Variants in CCDC60 observed in about 807,000 individuals in gnomAD.
CCDC60 encodes coiled-coil domain containing 60.
CCDC60 carries 54 observed loss-of-function variants against 63.5 expected under a neutral mutation model. That is an observed-to-expected ratio of 0.85 (90% CI 0.68 to 1.07). CCDC60 has a LOEUF of 1.07. Among genes scored for constraint, CCDC60 ranks in the 50% least tolerant of loss-of-function variants. The pLI is 0.00. For synonymous variants in CCDC60, 206 were observed against 238.8 expected (o/e 0.86, Z 1.27); for missense variants, 651 against 684.3 (o/e 0.95, Z 0.54).
At chr12:119,511,791 T>C (rs779777350) in intron 7 of CCDC60, among the ~76,000 whole-genome samples, 17 of 152,148 alleles carry the variant, frequency 1.1e-4, no homozygotes, top group Non-Finnish European at 2.1e-4. Context: ...CTTGTTTGCT[T>C]ATGAGTTGGG....
At chr12:119,423,544 T>C (rs976492485) in intron 1 of CCDC60, among the ~76,000 whole-genome samples, 3 of 152,132 alleles carry the variant, frequency 2.0e-5, no homozygotes, top group African/African-American at 7.2e-5. Context: ...AGCCAGGGCA[T>C]TTCATCCCTT....
chr12:119,380,929 G>A (rs1956002013), intron 1 of CCDC60, among the ~76,000 whole-genome samples: 5 of 152,190 alleles, frequency 3.3e-5, no homozygotes, highest in South Asian at 2.1e-4. Context: ...TTTTTATCAC[G>A]TTTCTAAAAT....
At chr12:119,537,805 G>A (rs576014927) in intron 13 of CCDC60, among the ~76,000 whole-genome samples, 5 of 152,194 alleles carry the variant, frequency 3.3e-5, no homozygotes, top group South Asian at 2.1e-4. Context: ...CCAAAGGGGC[G>A]CCCGCCTGTA....
chr12:119,463,640 G>A (rs916216488), intron 2 of CCDC60, among the ~76,000 whole-genome samples: 1 of 152,236 alleles, frequency 6.6e-6, no homozygotes, highest in Non-Finnish European at 1.5e-5. Context: ...CCGCAGACGC[G>A]AAATCCCAAC....
At chr12:119,356,415 A>G (rs1419555482) in intron 1 of CCDC60, among the ~76,000 whole-genome samples, 1 of 152,074 alleles carries the variant, frequency 6.6e-6, no homozygotes. Flanking sequence ...ACTCATATTT[A>G]TTTCATTTTC....
chr12:119,531,033 G>A lies in CCDC60; in HGVS notation c.1521G>A (p.Leu507=). ...TGCAGGATCTGAGGATTTGGGAACTGTGCTCCCCTGACATCGCTGTGGCTA... is the reference window on the plus strand; with the variant it reads ...TGCAGGATCTGAGGATTTGGGAACTATGCTCCCCTGACATCGCTGTGGCTA... ...KVLQDLRIWE[L]CSPDIAVAIE... The change falls in exon 13 of 14, where the codon CTG becomes CTA. Residue 507 remains leucine (L), a synonymous_variant. Transcript: ENST00000327554. 1 of 1,614,108 alleles carries A rather than the reference G, an allele frequency of 6.2e-7. No homozygotes were observed. The highest frequency in any genetic ancestry group is 8.5e-7 in the Non-Finnish European group (1 of 1,179,986).
At chr12:119,534,491 G>A (rs559477329) in intron 13 of CCDC60, among the ~76,000 whole-genome samples, 1 of 152,244 alleles carries the variant, frequency 6.6e-6, no homozygotes, top group South Asian at 2.1e-4. Context: ...CCTGTCTTGT[G>A]CCAGTTTTCA....
At chr12:119,412,878 T>C (rs1013582977) in intron 1 of CCDC60, among the ~76,000 whole-genome samples, 3 of 150,238 alleles carry the variant, frequency 2.0e-5, no homozygotes, top group African/African-American at 7.4e-5. Flanking sequence ...CTGATAAGAC[T>C]GGACTGGAGG....
intron 1 of CCDC60, among the ~76,000 whole-genome samples, chr12:119,408,633 C>A (rs922262441): frequency 3.9e-5 from 6 of 152,096 alleles, no homozygotes; most frequent in Non-Finnish European, 8.8e-5. Flanking sequence ...ACCATCCTGG[C>A]TAACACGGTG....
chr12:119,523,596 G>C, intron 10 of CCDC60, 97 bp from the exon 11 acceptor site: 1 of 1,553,070 alleles, frequency 6.4e-7, no homozygotes, highest in Non-Finnish European at 8.7e-7. Context: ...CCCCCATGCA[G>C]AGCACCTTGG....
intron 13 of CCDC60, among the ~76,000 whole-genome samples, chr12:119,539,496 C>A (rs1422416817): frequency 6.6e-6 from 1 of 152,210 alleles, no homozygotes; most frequent in African/African-American, 2.4e-5. Context: ...GGGAAAACTG[C>A]CTACCCAAAC....
Position 119,430,750 on chromosome 12 carries a change from A to G in CCDC60, c.170+1988A>G, listed in dbSNP as rs115276202. ...GCAAGCCTAGGAGAGAGACCTCAGG[A>G]GAAACCGACCCTGCTGGCACCTGCA... On this transcript the variant is annotated intron_variant, in intron 2 of 13. Transcript: ENST00000327554. Among the ~76,000 whole-genome samples, 390 of 151,936 alleles carry G rather than the reference A, an allele frequency of 2.6e-3. 1 individual carries two copies. Among genetic ancestry groups the G allele is most frequent in the African/African-American group, 8.7e-3 (361 of 41,458 alleles).
In CCDC60 at chr12:119,519,855, AGTGTGTGTGT is replaced by A. The variant is rs903078634; in HGVS notation, c.969-253_969-244del. 3.9e-5 allele frequency among the ~76,000 whole-genome samples: 5 copies of A among 127,128 alleles called. No homozygotes were observed. The East Asian group carries it at 1.1e-3, about 28-fold the overall frequency. 83.4% of individuals were successfully genotyped at this position (127,128 alleles called of 152,430 possible). A position where few individuals can be genotyped will look rare whatever the true frequency, so the allele number is the denominator to read the frequency against. The stretch of plus-strand genomic sequence containing the variant: ...GGAATTTTAGGAGAGAGAGAGAGAG[AGTGTGTGTGT>A]GTGTGTGTGTGTATACCTGTGTGTG... On this transcript the variant is annotated intron_variant, in intron 8 of 13. Transcript: ENST00000327554.
chr12:119,487,259 A>C (rs370790093), intron 4 of CCDC60, among the ~76,000 whole-genome samples: 21 of 147,656 alleles, frequency 1.4e-4, no homozygotes, highest in African/African-American at 5.2e-4. Context: ...TGTAAAGAGG[A>C]GGTGGGAGCG....
In CCDC60 at chr12:119,507,601, TATATATATA is replaced by T. The variant is rs1952076918; in HGVS notation, c.883+2299_883+2307del. The stretch of plus-strand genomic sequence containing the variant: ...ATACACATATATATACATATATATA[TATATATATA>T]TATATTTTTTTTTTTTTTTTCTAGA... On this transcript the variant is annotated intron_variant, in intron 7 of 13. Coordinates refer to ENST00000327554, the MANE Select transcript of CCDC60 (RefSeq NM_178499.5). Among the ~76,000 whole-genome samples the T allele has an allele frequency of 3.9e-4, 11 of 27,952 alleles. 1 individual carries two copies. The highest frequency in any genetic ancestry group is 1.8e-3 in the East Asian group (1 of 562). The allele number at this position is 27,952 out of a possible 152,430, so 18.3% of individuals were successfully genotyped here.
chr12:119,354,992 G>A (rs1955701706), intron 1 of CCDC60, among the ~76,000 whole-genome samples: 1 of 152,170 alleles, frequency 6.6e-6, no homozygotes, highest in Non-Finnish European at 1.5e-5. Context: ...AAAATGGGAG[G>A]ATATGTAATG....
At position 119,538,418 on chromosome 12, in the gene CCDC60, TG is replaced by T. The variant is rs1181185219; in HGVS notation, c.1552-2195del. Among the ~76,000 whole-genome samples, 11 of 152,348 alleles carry T rather than the reference TG, an allele frequency of 7.2e-5. No individual in the cohort carries two copies. The South Asian group carries it at 2.3e-3, about 32-fold the overall frequency. On this transcript the variant is annotated intron_variant, in intron 13 of 13. Transcript: ENST00000327554. ...CTGTTTCGGCTTGCCCTCCATGGGCTGCACCCACTTTCCAACCAGTCCCAAT... is the reference window on the plus strand; with the variant it reads ...CTGTTTCGGCTTGCCCTCCATGGGCTCACCCACTTTCCAACCAGTCCCAAT...
intron 1 of CCDC60, among the ~76,000 whole-genome samples, chr12:119,371,338 G>A (rs567138648): frequency 1.3e-5 from 2 of 152,306 alleles, no homozygotes; most frequent in South Asian, 4.2e-4. Context: ...AGGGCTTAAA[G>A]CCAGAAAACT....
chr12:119,512,996 T>A (rs953001059), intron 7 of CCDC60, among the ~76,000 whole-genome samples: 16 of 152,188 alleles, frequency 1.1e-4, no homozygotes, highest in African/African-American at 3.6e-4. Context: ...TCTTCCCAAT[T>A]CTTGTTCATA....
Sources: gnomAD v4.1 joint callset for allele counts (sites outside exome capture counted in the v4.1 genomes callset) on GRCh38, gnomAD v4.1.1 for gene constraint, MANE v1.5 for transcripts, NCBI Gene and HGNC (gene_info 2026-07-23, HGNC 2026-07-21) for gene names.